LGI2: variants seen among roughly 807,000 people sequenced by gnomAD.
LGI2 encodes the protein leucine-rich repeat LGI family member 2.
In LGI2, 30 loss-of-function variants were observed where a neutral mutation model predicts 52.0. The observed-to-expected ratio is 0.58, with a 90% CI of 0.43 to 0.78. The LOEUF (loss-of-function observed/expected upper bound fraction) is 0.78, where lower values mean the gene tolerates loss of function less well. LGI2 is among the 30% of genes least tolerant of loss of function. The pLI is 0.00. For synonymous variants in LGI2, 270 were observed against 271.8 expected, an observed-to-expected ratio of 0.99 and a Z score of 0.06; for missense variants, 573 against 692.5, an observed-to-expected ratio of 0.83 and a Z score of 1.94.
Position 25,002,429 on chromosome 4 carries a change from T to C in LGI2, c.*1022A>G, listed in dbSNP as rs1037805414. 1.6e-4 allele frequency: 25 copies of C among 152,682 alleles called. No homozygotes were observed. The highest frequency in any genetic ancestry group is 5.6e-4 in the African/African-American group (23 of 41,438). 9.5% of individuals were successfully genotyped at this position (152,682 alleles called of 1,614,324 possible). On this transcript the variant is annotated 3_prime_UTR_variant, in exon 8 of 8. Coordinates refer to ENST00000382114, the MANE Select transcript of LGI2 (RefSeq NM_018176.4). ...GAAGTTGGTATTCGATTACTTGAAA[T>C]ATTAAGTTGTCCAGAGGGCAAGGAC...
chr4:25,022,307 A>G (rs1725996336), intron 4 of LGI2, among the ~76,000 whole-genome samples: 1 of 152,180 alleles, frequency 6.6e-6, no homozygotes, highest in Admixed American at 6.5e-5. Flanking sequence ...GATGAGAGAG[A>G]GCAAGGGCAG....
At chr4:25,005,593 C>T (rs16876574) in intron 7 of LGI2, among the ~76,000 whole-genome samples, 6,553 of 151,636 alleles carry the variant, frequency 0.043, 192 homozygotes, top group East Asian at 0.12. Flanking sequence ...AAAAGTATTT[C>T]CTGACTCCAT....
At position 25,019,231 on chromosome 4, in the gene LGI2, C is replaced by T; in HGVS notation, c.421G>A (p.Ala141Thr). 6.2e-7 allele frequency: 1 copy of T among 1,604,936 alleles called. No individual in the cohort carries two copies. The highest frequency in any genetic ancestry group is 8.5e-7 in the Non-Finnish European group (1 of 1,173,688). ...GLRDLTHLSL[A>T]NNHIKALPRD... ...GGTAGTGCTTTTATGTGGTTATTGG[C>T]CAAAGAACTAGAACAAGAAAGTCAC... is the stretch of plus-strand genomic sequence containing the variant. Residue 141 changes from alanine (A) to threonine (T), a missense_variant, in exon 5 of 8, where the codon GCC (alanine) becomes ACC (threonine). Physicochemically the swap from Ala to Thr is moderately conservative, Grantham distance 58 (BLOSUM62 0). Transcript: ENST00000382114.
At position 25,030,723 on chromosome 4, in the gene LGI2, G is replaced by A. The variant is rs1389312092; in HGVS notation, c.-30C>T. 9.4e-6 allele frequency: 11 copies of A among 1,174,614 alleles called. No homozygotes were observed. Among genetic ancestry groups the A allele is most frequent in the Non-Finnish European group, 9.5e-6 (9 of 950,676 alleles). The allele number at this position is 1,174,614 out of a possible 1,614,324, so 72.8% of individuals were successfully genotyped here. ...GGTCCCCGCTCCCCGCCCGGGCCCC[G>A]ACCCCCACCGCCGCGCCGCGCGCTC... On this transcript the variant is annotated 5_prime_UTR_variant, in exon 1 of 8. Transcript: ENST00000382114.
chr4:25,020,943 T>TA (rs949837094), intron 4 of LGI2, among the ~76,000 whole-genome samples: 2 of 152,190 alleles, frequency 1.3e-5, no homozygotes, highest in African/African-American at 4.8e-5. Context: ...TGGAAATTTT[T>TA]AAAAGGGGGG....
Position 24,999,713 on chromosome 4 carries a change from G to A in LGI2, c.*3738C>T. On this transcript the variant is annotated 3_prime_UTR_variant, in exon 8 of 8. Coordinates refer to ENST00000382114, the MANE Select transcript of LGI2 (RefSeq NM_018176.4). ...AGAAATTTCCATCATGAGCACTCCT[G>A]ACCGCCAAACCTCTGGCATCCCATG... The A allele has an allele frequency of 1.2e-5, 5 of 433,462 alleles. No individual in the cohort carries two copies. Among genetic ancestry groups the A allele is most frequent in the South Asian group, 8.4e-5 (5 of 59,760 alleles). The allele number at this position is 433,462 out of a possible 1,614,324, so 26.9% of individuals were successfully genotyped here. A position where few individuals can be genotyped will look rare whatever the true frequency, so the allele number is the denominator to read the frequency against.
rs1430894081 is a variant in LGI2, at chr4:25,030,361, T to TC, written c.197+135dup. The TC allele has an allele frequency of 9.0e-6, 8 of 893,248 alleles. No homozygotes were observed. In the African/African-American group the frequency reaches 1.4e-4, roughly 16 times the overall value. 55.3% of individuals were successfully genotyped at this position (893,248 alleles called of 1,614,324 possible). A position where few individuals can be genotyped will look rare whatever the true frequency, so the allele number is the denominator to read the frequency against. On this transcript the variant is annotated intron_variant, in intron 1 of 7. Transcript: ENST00000382114. Reference sequence around the variant, plus strand: ...CCCGGGGGCCAACACTCCACCCACGTCCCCCACACAAAGGCAAAGAAGGGG... The same window carrying TC: ...CCCGGGGGCCAACACTCCACCCACGTCCCCCCACACAAAGGCAAAGAAGGGG...
intron 6 of LGI2, 151 bp downstream of exon 6, chr4:25,017,838 G>A (rs776248748): frequency 4.5e-6 from 3 of 670,470 alleles, no homozygotes; most frequent in East Asian, 3.3e-5. Context: ...TTACCACATC[G>A]ATTCATTTCT....
chr4:25,014,116 C>T (rs539235803), intron 6 of LGI2, among the ~76,000 whole-genome samples: 4 of 152,334 alleles, frequency 2.6e-5, no homozygotes, highest in Admixed American at 6.5e-5. Flanking sequence ...CATTCGACTA[C>T]TCCGAGTCTG....
chr4:25,013,321 G>A (rs1725650875), intron 6 of LGI2, among the ~76,000 whole-genome samples: 1 of 152,202 alleles, frequency 6.6e-6, no homozygotes, highest in Non-Finnish European at 1.5e-5. Flanking sequence ...CAGGGGAGGG[G>A]ACGGAGGCTG....
At chr4:25,018,205 T>C in intron 5 of LGI2, 47 bp from the exon 6 acceptor site, 1 of 1,370,608 alleles carries the variant, frequency 7.3e-7, no homozygotes, top group Non-Finnish European at 9.9e-7. Flanking sequence ...GAAATAGATG[T>C]GTCTGACATG....
At chr4:25,018,258 T>A in intron 5 of LGI2, 100 bp from the exon 6 acceptor site, 1 of 815,520 alleles carries the variant, frequency 1.2e-6, no homozygotes, top group East Asian at 2.7e-5. Flanking sequence ...AACATCCTGA[T>A]ATATTTAAAA....
Position 25,030,811 on chromosome 4 carries a change from G to C in LGI2, c.-118C>G, listed in dbSNP as rs1726321765. 1.7e-5 allele frequency: 8 copies of C among 466,018 alleles called. No homozygotes were observed. The highest frequency in any genetic ancestry group is 1.7e-5 in the Non-Finnish European group (6 of 351,872). 28.9% of individuals were successfully genotyped at this position (466,018 alleles called of 1,614,324 possible). A position where few individuals can be genotyped will look rare whatever the true frequency, so the allele number is the denominator to read the frequency against. Reference sequence around the variant, plus strand: ...GCTCTGCCGCCGCCGCTGCTGGCGAGGACTAGGGAGCCGCGGGTGTGGGAG... The same window carrying C: ...GCTCTGCCGCCGCCGCTGCTGGCGACGACTAGGGAGCCGCGGGTGTGGGAG... On this transcript the variant is annotated 5_prime_UTR_variant, in exon 1 of 8. Transcript: ENST00000382114.
intron 4 of LGI2, among the ~76,000 whole-genome samples, chr4:25,021,582 C>T (rs1725960106): frequency 1.3e-5 from 2 of 152,106 alleles, no homozygotes; most frequent in African/African-American, 4.8e-5. Flanking sequence ...ATTCTTTACA[C>T]AGTATATTAA....
At chr4:25,029,588 C>T (rs1726259204) in intron 1 of LGI2, among the ~76,000 whole-genome samples, 1 of 152,226 alleles carries the variant, frequency 6.6e-6, no homozygotes, top group South Asian at 2.1e-4. Flanking sequence ...AAGATACAGC[C>T]CAACAGCCCC....
intron 4 of LGI2, among the ~76,000 whole-genome samples, chr4:25,021,137 C>T (rs1006201390): frequency 6.7e-5 from 10 of 150,042 alleles, no homozygotes; most frequent in South Asian, 2.1e-4. Flanking sequence ...AGTTTAGCAA[C>T]GTTCCAAGTG....
At chr4:25,025,285 T>G (rs2109425340) in intron 3 of LGI2, among the ~76,000 whole-genome samples, 1 of 152,362 alleles carries the variant, frequency 6.6e-6, no homozygotes, top group East Asian at 1.9e-4. Flanking sequence ...CTATTCATAC[T>G]TCTGTTAATG....
At position 25,003,997 on chromosome 4, in the gene LGI2, G is replaced by T; in HGVS notation, c.1092C>A (p.Tyr364Ter). 6.2e-7 allele frequency: 1 copy of T among 1,614,164 alleles called. No individual in the cohort carries two copies. Among genetic ancestry groups the T allele is most frequent in the South Asian group, 1.1e-5 (1 of 91,086 alleles). The change falls in exon 8 of 8, where the codon TAC (tyrosine) becomes TAA (stop). Residue 364 changes from tyrosine to a stop codon, truncating the protein, a stop_gained. Coordinates refer to ENST00000382114, the MANE Select transcript of LGI2 (RefSeq NM_018176.4). LOFTEE classifies it high-confidence loss of function. Reference protein sequence around the residue: ...YKWNSKGFYSYQSLHEWFRDT... With the variant: ...YKWNSKGFYS ...CCCTGAACCACTCGTGCAGTGACTG[G>T]TAAGAATAGAATCCTTTGCTGTTCC... is the stretch of plus-strand genomic sequence containing the variant.
chr4:25,025,853 C>G (rs1186062054), intron 3 of LGI2, among the ~76,000 whole-genome samples: 1 of 152,150 alleles, frequency 6.6e-6, no homozygotes, highest in Non-Finnish European at 1.5e-5. Flanking sequence ...CTCCAATAAC[C>G]TTGACCATAA....
Sources: gnomAD v4.1 joint callset for allele counts (sites outside exome capture counted in the v4.1 genomes callset) on GRCh38, gnomAD v4.1.1 for gene constraint, MANE v1.5 for transcripts, NCBI Gene and HGNC (gene_info 2026-07-23, HGNC 2026-07-21) for gene names.